C8orf48: variants seen among roughly 807,000 people sequenced by gnomAD.
The protein encoded by C8orf48 is uncharacterized protein C8orf48.
For missense variants in C8orf48, 580 were observed against 363.3 expected (o/e 1.60, Z -4.85); for synonymous variants, 188 against 138.2 (o/e 1.36, Z -2.53).
chr8:13,567,606 A>T lies in C8orf48; in HGVS notation c.615A>T (p.Lys205Asn), dbSNP rs1179920522. The change falls in exon 1 of 1, where the codon AAA becomes AAT. Residue 205 changes from lysine to asparagine, a missense_variant. Transcript: ENST00000297324. ...ISYQCPYCNR[K>N]RAELALSAFL... ...ATCAGTGTCCCTATTGTAACAGGAAAAGAGCGGAGCTGGCCCTGTCTGCCT... is the reference window on the plus strand; with the variant it reads ...ATCAGTGTCCCTATTGTAACAGGAATAGAGCGGAGCTGGCCCTGTCTGCCT... 4 of 1,551,658 alleles carry T rather than the reference A, an allele frequency of 2.6e-6. No individual in the cohort carries two copies. In the African/African-American group the frequency reaches 5.5e-5, roughly 21 times the overall value.
In C8orf48 at chr8:13,567,902, G is replaced by A. The variant is rs1021004817; in HGVS notation, c.911G>A (p.Arg304Gln). The change falls in exon 1 of 1, where the codon CGA becomes CAA. Residue 304 changes from arginine to glutamine, a missense_variant. Arg to Gln is a conservative substitution (Grantham distance 43). Coordinates refer to ENST00000297324, the MANE Select transcript of C8orf48 (RefSeq NM_001007090.3). ...HLPFSLPFLK[R>Q]LTLIKPELVI... ...CCATTTTCTCTGCCATTTCTCAAGC[G>A]ACTTACTCTAATCAAACCAGAGCTG... 1.7e-5 allele frequency: 27 copies of A among 1,551,788 alleles called. No homozygotes were observed. Among genetic ancestry groups the A allele is most frequent in the South Asian group, 4.8e-5 (4 of 84,022 alleles).
At position 13,567,313 on chromosome 8, in the gene C8orf48, C is replaced by A. The variant is rs371576358; in HGVS notation, c.322C>A (p.Pro108Thr). The change falls in exon 1 of 1, where the codon CCA (proline) becomes ACA (threonine). Residue 108 changes from proline (P) to threonine (T), a missense_variant. Coordinates refer to ENST00000297324, the MANE Select transcript of C8orf48 (RefSeq NM_001007090.3). ...FERHQPDTKL[P>T]TEITRVSDEE... ...ACGGCACCAACCAGACACCAAACTT[C>A]CAACAGAAATCACTCGGGTATCAGA... 2.2e-5 allele frequency: 34 copies of A among 1,551,608 alleles called. No individual in the cohort carries two copies. Among genetic ancestry groups the A allele is most frequent in the Non-Finnish European group, 2.9e-5 (33 of 1,147,028 alleles).
At chr8:13,567,473 G>GA in the C8orf48 span, 1 of 1,551,988 alleles carries the variant, frequency 6.4e-7, no homozygotes, top group Admixed American at 2.0e-5. Flanking sequence ...GCTTCAGAGA[G>GA]AGATGCCTTT....
chr8:13,567,859 A>C lies in C8orf48; in HGVS notation c.868A>C (p.Asn290His). Reference protein sequence around the residue: ...ETEQKLQRDGNSACHLPFSLP... With the variant: ...ETEQKLQRDGHSACHLPFSLP... ...AGAGCAGAAGTTGCAGCGAGATGGA[A>C]ATAGTGCTTGTCATTTACCATTTTC... The change falls in exon 1 of 1, where the codon AAT becomes CAT. Residue 290 changes from asparagine to histidine, a missense_variant. By Grantham distance (68) the Asn-to-His change is moderately conservative (BLOSUM62 1). Transcript: ENST00000297324. The C allele has an allele frequency of 6.4e-7, 1 of 1,551,914 alleles. No homozygotes were observed. Among genetic ancestry groups the C allele is most frequent in the Middle Eastern group, 1.7e-4 (1 of 5,992 alleles).
chr8:13,567,241 A>C lies in C8orf48; in HGVS notation c.250A>C (p.Ser84Arg). 1 of 1,551,684 alleles carries C rather than the reference A, an allele frequency of 6.4e-7. No individual in the cohort carries two copies. Residue 84 changes from serine (S) to arginine (R), a missense_variant, in exon 1 of 1, where the codon AGT becomes CGT. Transcript: ENST00000297324. ...LDYKNYEKKL[S>R]KKWINYLKLK... Reference sequence around the variant, plus strand: ...CTATAAAAATTATGAAAAGAAGTTGAGTAAAAAATGGATCAACTACCTCAA... The same window carrying C: ...CTATAAAAATTATGAAAAGAAGTTGCGTAAAAAATGGATCAACTACCTCAA...
rs890940475 is a variant in C8orf48 at position 13,567,234 on chromosome 8, G to T, written c.243G>T (p.Lys81Asn). The change falls in exon 1 of 1, where the codon AAG (lysine) becomes AAT (asparagine). Residue 81 changes from lysine to asparagine, a missense_variant. By Grantham distance (94) the Lys-to-Asn change is moderately conservative. Coordinates refer to ENST00000297324, the MANE Select transcript of C8orf48 (RefSeq NM_001007090.3). ...TTTTGGACTATAAAAATTATGAAAAGAAGTTGAGTAAAAAATGGATCAACT... is the reference window on the plus strand; with the variant it reads ...TTTTGGACTATAAAAATTATGAAAATAAGTTGAGTAAAAAATGGATCAACT... ...SELLDYKNYE[K>N]KLSKKWINYL... 1.9e-6 allele frequency: 3 copies of T among 1,551,466 alleles called. No individual in the cohort carries two copies. The highest frequency in any genetic ancestry group is 2.0e-5 in the Admixed American group (1 of 50,930).
Position 13,567,886 on chromosome 8 carries a change from C to T in C8orf48, c.895C>T (p.Leu299=), listed in dbSNP as rs1240927434. Reference sequence around the variant, plus strand: ...TAGTGCTTGTCATTTACCATTTTCTCTGCCATTTCTCAAGCGACTTACTCT... The same window carrying T: ...TAGTGCTTGTCATTTACCATTTTCTTTGCCATTTCTCAAGCGACTTACTCT... ...GNSACHLPFS[L]PFLKRLTLIK... is the part of the protein sequence containing the mutation. Residue 299 remains leucine, a synonymous_variant, in exon 1 of 1, where the codon CTG becomes TTG. Coordinates refer to ENST00000297324, the MANE Select transcript of C8orf48 (RefSeq NM_001007090.3). 4 of 1,552,008 alleles carry T rather than the reference C, an allele frequency of 2.6e-6. No homozygotes were observed. Among genetic ancestry groups the T allele is most frequent in the Middle Eastern group, 1.7e-4 (1 of 5,992 alleles).
rs71522356 is a variant in C8orf48 at position 13,568,148 on chromosome 8, A to G, written c.*197A>G. The G allele has an allele frequency of 0.15, 90,280 of 598,204 alleles. 7,297 individuals carry two copies. The highest frequency in any genetic ancestry group is 0.21 in the Middle Eastern group (431 of 2,074). 37.1% of individuals were successfully genotyped at this position (598,204 alleles called of 1,614,324 possible). A position where few individuals can be genotyped will look rare whatever the true frequency, so the allele number is the denominator to read the frequency against. On this transcript the variant is annotated 3_prime_UTR_variant, in exon 1 of 1. Coordinates refer to ENST00000297324, the MANE Select transcript of C8orf48 (RefSeq NM_001007090.3). ...ACTTTTACAAAATTCCAAGAGAACT[A>G]TGTTGGTAGTTTGGGCCAGGATGTT...
In C8orf48 at chr8:13,567,002, G is replaced by A. The variant is rs1386649819; in HGVS notation, c.11G>A (p.Cys4Tyr). The A allele has an allele frequency of 1.3e-6, 2 of 1,547,858 alleles. No homozygotes were observed. Among genetic ancestry groups the A allele is most frequent in the South Asian group, 2.4e-5 (2 of 83,694 alleles). The change falls in exon 1 of 1, where the codon TGC becomes TAC. Residue 4 changes from cysteine to tyrosine, a missense_variant. Physicochemically the swap from Cys to Tyr is radical, Grantham distance 194. Transcript: ENST00000297324. MAICPELAQTDKSA... is the reference protein window; with the variant it reads MAIYPELAQTDKSA... ...GCCTGATGCATTGTGATGGCCATCT[G>A]CCCAGAATTGGCCCAAACGGACAAA...
At position 13,566,905 on chromosome 8, in the gene C8orf48, A is replaced by C; in HGVS notation, c.-87A>C. 2 of 1,438,964 alleles carry C rather than the reference A, an allele frequency of 1.4e-6. No homozygotes were observed. The highest frequency in any genetic ancestry group is 2.1e-4 in the Middle Eastern group (1 of 4,700). The allele number at this position is 1,438,964 out of a possible 1,614,324, so 89.1% of individuals were successfully genotyped here. A position where few individuals can be genotyped will look rare whatever the true frequency, so the allele number is the denominator to read the frequency against. On this transcript the variant is annotated 5_prime_UTR_variant, in exon 1 of 1. Coordinates refer to ENST00000297324, the MANE Select transcript of C8orf48 (RefSeq NM_001007090.3). ...CGCAGAGCTGATGGCATTGAGATCC[A>C]TTCCCGGAGGGGTCAGCTCCTGACG...
chr8:13,567,850 C>T, the C8orf48 span: 9 of 1,551,794 alleles, frequency 5.8e-6, no homozygotes, highest in African/African-American at 1.4e-5. Flanking sequence ...GAAGTTGCAG[C>T]GAGATGGAAA....
Position 13,567,881 on chromosome 8 carries a change from T to TTGAGGA in C8orf48, c.891_892insGAGGAT (p.Phe297_Ser298insGluAsp). 8.4e-6 allele frequency: 13 copies of TTGAGGA among 1,551,984 alleles called. No individual in the cohort carries two copies. Among genetic ancestry groups the TTGAGGA allele is most frequent in the Non-Finnish European group, 1.0e-5 (12 of 1,147,032 alleles). ...GGAAATAGTGCTTGTCATTTACCAT[T>TTGAGGA]TTCTCTGCCATTTCTCAAGCGACTT... On this transcript the variant is annotated inframe_insertion, in exon 1 of 1. Coordinates refer to ENST00000297324, the MANE Select transcript of C8orf48 (RefSeq NM_001007090.3).
chr8:13,567,697 C>T lies in C8orf48; in HGVS notation c.706C>T (p.His236Tyr), dbSNP rs1221750018. ...LLQERIDEHL[H>Y]TKDFLTRIGE... Reference sequence around the variant, plus strand: ...CCAAGAGAGAATAGATGAACATCTTCATACCAAAGACTTTCTCACCCGTAT... The same window carrying T: ...CCAAGAGAGAATAGATGAACATCTTTATACCAAAGACTTTCTCACCCGTAT... Residue 236 changes from histidine (H) to tyrosine (Y), a missense_variant, in exon 1 of 1, where the codon CAT (histidine) becomes TAT (tyrosine). Transcript: ENST00000297324. The T allele has an allele frequency of 1.3e-6, 2 of 1,551,998 alleles. No homozygotes were observed. Among genetic ancestry groups the T allele is most frequent in the African/African-American group, 1.4e-5 (1 of 73,162 alleles).
Position 13,567,870 on chromosome 8 carries a change from T to C in C8orf48, c.879T>C (p.Cys293=), listed in dbSNP as rs573459343. 165 of 1,551,792 alleles carry C rather than the reference T, an allele frequency of 1.1e-4. No homozygotes were observed. The highest frequency in any genetic ancestry group is 1.3e-4 in the Non-Finnish European group (151 of 1,147,020). The change falls in exon 1 of 1, where the codon TGT becomes TGC. Residue 293 remains cysteine, a synonymous_variant. Coordinates refer to ENST00000297324, the MANE Select transcript of C8orf48 (RefSeq NM_001007090.3). ...QKLQRDGNSA[C]HLPFSLPFLK... ...TGCAGCGAGATGGAAATAGTGCTTG[T>C]CATTTACCATTTTCTCTGCCATTTC...
At position 13,567,095 on chromosome 8, in the gene C8orf48, C is replaced by G. The variant is rs1409043275; in HGVS notation, c.104C>G (p.Ser35Cys). Residue 35 changes from serine (S) to cysteine (C), a missense_variant, in exon 1 of 1, where the codon TCC (serine) becomes TGC (cysteine). Ser to Cys is a moderately radical substitution (Grantham distance 112). Transcript: ENST00000297324. Reference protein sequence around the residue: ...LKNSTDEVQTSSSFSSSGGRQ... With the variant: ...LKNSTDEVQTCSSFSSSGGRQ... ...AACTCTACTGATGAGGTACAGACTTCCAGCTCATTCAGCTCCTCTGGAGGA... is the reference window on the plus strand; with the variant it reads ...AACTCTACTGATGAGGTACAGACTTGCAGCTCATTCAGCTCCTCTGGAGGA... 2 of 1,551,752 alleles carry G rather than the reference C, an allele frequency of 1.3e-6. No individual in the cohort carries two copies. The highest frequency in any genetic ancestry group is 1.7e-6 in the Non-Finnish European group (2 of 1,147,004).
rs1288427811 is a variant in C8orf48, at chr8:13,567,675, A to G, written c.684A>G (p.Gln228=). Residue 228 remains glutamine (Q), a synonymous_variant, in exon 1 of 1, where the codon CAA becomes CAG. Transcript: ENST00000297324. ...CTTTACTGGAGTCATTTCTACTCCAAGAGAGAATAGATGAACATCTTCATA... is the reference window on the plus strand; with the variant it reads ...CTTTACTGGAGTCATTTCTACTCCAGGAGAGAATAGATGAACATCTTCATA... ...KKTLLESFLL[Q]ERIDEHLHTK... 4 of 1,551,808 alleles carry G rather than the reference A, an allele frequency of 2.6e-6. No individual in the cohort carries two copies. The highest frequency in any genetic ancestry group is 1.4e-5 in the African/African-American group (1 of 73,054).
Position 13,566,988 on chromosome 8 carries a change from T to G in C8orf48, c.-4T>G, listed in dbSNP as rs1433197459. On this transcript the variant is annotated 5_prime_UTR_variant, in exon 1 of 1. In the 5' UTR this introduces an upstream ATG that the reference lacks. Coordinates refer to ENST00000297324, the MANE Select transcript of C8orf48 (RefSeq NM_001007090.3). ...AGATGAGGAGCCGAGCCTGATGCAT[T>G]GTGATGGCCATCTGCCCAGAATTGG... 1 of 1,540,076 alleles carries G rather than the reference T, an allele frequency of 6.5e-7. No individual in the cohort carries two copies. Among genetic ancestry groups the G allele is most frequent in the Non-Finnish European group, 8.8e-7 (1 of 1,139,922 alleles).
In C8orf48 at chr8:13,567,895, C is replaced by G; in HGVS notation, c.904C>G (p.Leu302Val). ...TCATTTACCATTTTCTCTGCCATTTCTCAAGCGACTTACTCTAATCAAACC... is the reference window on the plus strand; with the variant it reads ...TCATTTACCATTTTCTCTGCCATTTGTCAAGCGACTTACTCTAATCAAACC... ...ACHLPFSLPF[L>V]KRLTLIKPEL... Residue 302 changes from leucine to valine, a missense_variant, in exon 1 of 1, where the codon CTC becomes GTC. Leu to Val is a conservative substitution (Grantham distance 32, BLOSUM62 1). Coordinates refer to ENST00000297324, the MANE Select transcript of C8orf48 (RefSeq NM_001007090.3). 6.4e-7 allele frequency: 1 copy of G among 1,551,992 alleles called. No individual in the cohort carries two copies. The highest frequency in any genetic ancestry group is 8.7e-7 in the Non-Finnish European group (1 of 1,146,988).
In C8orf48 at chr8:13,567,496, C is replaced by G. The variant is rs1249050314; in HGVS notation, c.505C>G (p.Pro169Ala). 14 of 1,551,866 alleles carry G rather than the reference C, an allele frequency of 9.0e-6. No homozygotes were observed. In the African/African-American group the frequency reaches 1.8e-4, roughly 20 times the overall value. Residue 169 changes from proline to alanine, a missense_variant, in exon 1 of 1, where the codon CCC becomes GCC. By Grantham distance (27) the Pro-to-Ala change is conservative. Coordinates refer to ENST00000297324, the MANE Select transcript of C8orf48 (RefSeq NM_001007090.3). ...GAGAGATGCCTTTAGTTGTACTGTA[C>G]CCGATGAACTTTTGAACAGAATCTA... ...SERDAFSCTVPDELLNRIYFK... is the reference protein window; with the variant it reads ...SERDAFSCTVADELLNRIYFK...
Sources: allele counts gnomAD v4.1 joint callset, GRCh38; gene constraint gnomAD v4.1.1; transcripts MANE v1.5; gene names NCBI Gene and HGNC (gene_info 2026-07-23, HGNC 2026-07-21).